The following MAGI2 variants were observed in gnomAD, a reference collection of about 807,000 sequenced individuals.
MAGI2 encodes the protein membrane associated guanylate kinase, WW and PDZ domain containing 2.
MAGI2 carries 35 observed loss-of-function variants against 133.3 expected under a neutral mutation model. The ratio of observed to expected loss-of-function variants is 0.26; its 90% CI spans 0.20 to 0.35. The LOEUF (loss-of-function observed/expected upper bound fraction) is 0.35. MAGI2 is among the 10% of genes least tolerant of loss of function. The pLI, the probability that MAGI2 is intolerant of heterozygous loss-of-function variation, is 1.00. For missense variants in MAGI2, 1,636 were observed against 1,863.4 expected (o/e 0.88, Z 2.25); for synonymous variants, 729 against 710.6 (o/e 1.03, Z -0.41).
At chr7:78,526,685 G>A (rs1329422885) in intron 3 of MAGI2, among the ~76,000 whole-genome samples, 1 of 152,140 alleles carries the variant, frequency 6.6e-6, no homozygotes, top group East Asian at 1.9e-4. Flanking sequence ...CTATGAAAAT[G>A]TGGAACAGGA....
chr7:78,563,937 T>C (rs1800664890), intron 3 of MAGI2, among the ~76,000 whole-genome samples: 1 of 152,226 alleles, frequency 6.6e-6, no homozygotes, highest in Admixed American at 6.5e-5. Context: ...TCTATTTAAT[T>C]TGAGGCCTAA....
At chr7:78,540,907 C>A (rs1798361663) in intron 3 of MAGI2, among the ~76,000 whole-genome samples, 1 of 152,236 alleles carries the variant, frequency 6.6e-6, no homozygotes, top group Admixed American at 6.5e-5. Context: ...TGGAGGCAGA[C>A]TTTTCCCCTC....
At chr7:78,616,197 A>G (rs1807066538) in intron 3 of MAGI2, 1 of 152,226 alleles carries the variant, frequency 6.6e-6, no homozygotes, top group African/African-American at 2.4e-5. Context: ...TTTGTTTTAA[A>G]ATAAGTTTTG....
At chr7:78,672,462 C>G (rs1289417942) in intron 2 of MAGI2, among the ~76,000 whole-genome samples, 1 of 152,120 alleles carries the variant, frequency 6.6e-6, no homozygotes, top group African/African-American at 2.4e-5. Flanking sequence ...TTCTTTATAG[C>G]AATACAAAAT....
At chr7:78,335,770 A>G (rs553747419) in intron 9 of MAGI2, among the ~76,000 whole-genome samples, 11 of 152,212 alleles carry the variant, frequency 7.2e-5, no homozygotes, top group Non-Finnish European at 1.3e-4. Flanking sequence ...ATATATTGCA[A>G]TAAAGAAAGA....
At chr7:78,489,903 A>AC (rs1793442175) in intron 5 of MAGI2, 63 bp from the exon 6 acceptor site, 2 of 1,139,340 alleles carry the variant, frequency 1.8e-6, no homozygotes, top group Non-Finnish European at 2.4e-6. Context: ...TTATTCCTTA[A>AC]GAAAAAAAAA....
At chr7:78,819,216 C>G (rs570223628) in intron 2 of MAGI2, among the ~76,000 whole-genome samples, 3 of 152,126 alleles carry the variant, frequency 2.0e-5, no homozygotes, top group Non-Finnish European at 4.4e-5. Context: ...TCTCCTACAT[C>G]ACAAAGTGTT....
At chr7:78,865,026 G>T (rs183789464) in intron 2 of MAGI2, among the ~76,000 whole-genome samples, 1 of 152,110 alleles carries the variant, frequency 6.6e-6, no homozygotes, top group Non-Finnish European at 1.5e-5. Flanking sequence ...GCTTTATAGA[G>T]TATTGCTAAT....
intron 2 of MAGI2, among the ~76,000 whole-genome samples, chr7:78,812,111 A>T (rs1275818620): frequency 6.6e-6 from 1 of 152,176 alleles, no homozygotes; most frequent in African/African-American, 2.4e-5. Flanking sequence ...GGGAAAGGCG[A>T]GGAAATAGAT....
intron 2 of MAGI2, among the ~76,000 whole-genome samples, chr7:78,654,212 C>T (rs1811889296): frequency 6.6e-6 from 1 of 152,156 alleles, no homozygotes; most frequent in South Asian, 2.1e-4. Flanking sequence ...GCTGGGCAAG[C>T]TTGGACAAAT....
chr7:78,564,939 A>G (rs892557921), intron 3 of MAGI2, among the ~76,000 whole-genome samples: 4 of 150,926 alleles, frequency 2.7e-5, no homozygotes, highest in African/African-American at 4.9e-5. Context: ...GACTACAGGC[A>G]CCCGCCACCA....
intron 1 of MAGI2, among the ~76,000 whole-genome samples, chr7:79,225,579 T>C (rs1267659732): frequency 1.3e-5 from 2 of 152,336 alleles, no homozygotes; most frequent in East Asian, 3.9e-4. Context: ...ATGCTAAATA[T>C]AGTAACATAA....
At chr7:78,267,036 G>A (rs977099138) in intron 9 of MAGI2, among the ~76,000 whole-genome samples, 1 of 152,130 alleles carries the variant, frequency 6.6e-6, no homozygotes, top group African/African-American at 2.4e-5. Context: ...CTGCTTGGTC[G>A]GAGAAGTGCT....
At chr7:79,196,223 A>C (rs1268448296) in intron 1 of MAGI2, among the ~76,000 whole-genome samples, 3 of 151,900 alleles carry the variant, frequency 2.0e-5, no homozygotes, top group Non-Finnish European at 4.4e-5. Flanking sequence ...TCAATTTAAA[A>C]ATAAATAAAA....
At chr7:78,884,433 T>C (rs771248444) in intron 2 of MAGI2, among the ~76,000 whole-genome samples, 3 of 152,052 alleles carry the variant, frequency 2.0e-5, no homozygotes, top group African/African-American at 4.8e-5. Flanking sequence ...GCAGTGAACA[T>C]GCCACTGCAT....
At chr7:78,303,102 A>C (rs1797971568) in intron 9 of MAGI2, among the ~76,000 whole-genome samples, 1 of 152,102 alleles carries the variant, frequency 6.6e-6, no homozygotes, top group Admixed American at 6.6e-5. Context: ...CCACGGCCAG[A>C]CACGGTGGCT....
At chr7:79,274,512 G>A (rs1047123884) in intron 1 of MAGI2, among the ~76,000 whole-genome samples, 7 of 151,844 alleles carry the variant, frequency 4.6e-5, no homozygotes, top group South Asian at 2.1e-4. Context: ...AAATGTGGCC[G>A]TGGTTCACAG....
At chr7:78,433,737 G>A (rs1203171538) in intron 6 of MAGI2, among the ~76,000 whole-genome samples, 1 of 152,128 alleles carries the variant, frequency 6.6e-6, no homozygotes, top group Non-Finnish European at 1.5e-5. Flanking sequence ...GTACAGAAAA[G>A]TACAAAATAT....
intron 2 of MAGI2, among the ~76,000 whole-genome samples, chr7:78,654,263 G>C (rs1297538503): frequency 6.6e-6 from 1 of 152,096 alleles, no homozygotes; most frequent in Non-Finnish European, 1.5e-5. Flanking sequence ...GTAAAACTGG[G>C]ATAACATACT....
Sources: allele counts gnomAD v4.1 joint callset (sites outside exome capture counted in the v4.1 genomes callset), GRCh38; gene constraint gnomAD v4.1.1; transcripts MANE v1.5; gene names NCBI Gene and HGNC (gene_info 2026-07-23, HGNC 2026-07-21).